SKP1: variants seen among roughly 807,000 people sequenced by gnomAD.
SKP1 encodes S-phase kinase associated protein 1.
SKP1 carries 1 observed loss-of-function variant against 21.5 expected under a neutral mutation model. The observed-to-expected ratio is 0.05, with a 90% CI of 0.02 to 0.22. The LOEUF (loss-of-function observed/expected upper bound fraction) is 0.22. Among genes scored for constraint, SKP1 ranks in the 10% least tolerant of loss-of-function variants. The probability of loss-of-function intolerance (pLI) is 1.00; values close to 1 mark genes in which losing one functional copy is unlikely to be tolerated. For missense variants in SKP1, 70 were observed against 192.0 expected (o/e 0.36, Z 3.76); for synonymous variants, 59 against 59.3 (o/e 0.99, Z 0.03).
chr5:134,170,827 G>A (rs1017844199), intron 2 of SKP1: 2 of 351,726 alleles, frequency 5.7e-6, no homozygotes, highest in Non-Finnish European at 5.6e-6. Flanking sequence ...CCTTGAAGCA[G>A]CACAGGACAG....
intron 1 of SKP1, 36 bp from the exon 2 acceptor site, chr5:134,174,058 G>C (rs768311211): frequency 7.8e-7 from 1 of 1,275,354 alleles, no homozygotes; most frequent in Non-Finnish European, 1.1e-6. Flanking sequence ...AAATTTAAGA[G>C]AGAGAGTTCT....
rs36106913 is a variant in SKP1, at chr5:134,166,580, CAAAAAAAAAA to C, written c.171+580_171+589del. The stretch of plus-strand genomic sequence containing the variant: ...TGGCGACAGAGCAAGACTCTGGTCT[CAAAAAAAAAA>C]AAAAAAAAAAAAAAAAGAATGTGGG... On this transcript the variant is annotated intron_variant, in intron 3 of 5. Transcript: ENST00000353411. 3.6e-4 allele frequency among the ~76,000 whole-genome samples: 19 copies of C among 52,532 alleles called. 1 individual carries two copies. In the South Asian group the frequency reaches 6.9e-3, roughly 19 times the overall value. 34.5% of individuals were successfully genotyped at this position (52,532 alleles called of 152,430 possible).
rs751497389 is a variant in SKP1 at position 134,151,931 on chromosome 5, C to T, written c.*5802G>A. 6.8e-6 allele frequency: 2 copies of T among 296,232 alleles called. No individual in the cohort carries two copies. Among genetic ancestry groups the T allele is most frequent in the Non-Finnish European group, 1.4e-5 (2 of 144,358 alleles). 18.4% of individuals were successfully genotyped at this position (296,232 alleles called of 1,614,324 possible). ...CCACTAATGATCATCTCCACTGATGCCTCAGCAGAAAGGATAACATTCAGC... is the reference window on the plus strand; with the variant it reads ...CCACTAATGATCATCTCCACTGATGTCTCAGCAGAAAGGATAACATTCAGC... On this transcript the variant is annotated 3_prime_UTR_variant, in exon 6 of 6. Coordinates refer to ENST00000353411, the MANE Select transcript of SKP1 (RefSeq NM_170679.3).
rs962291417 is a variant in SKP1 at position 134,151,130 on chromosome 5, T to C, written c.*6603A>G. The C allele has an allele frequency of 7.2e-5, 11 of 152,290 alleles. No individual in the cohort carries two copies. Among genetic ancestry groups the C allele is most frequent in the Non-Finnish European group, 1.5e-4 (10 of 68,128 alleles). 9.4% of individuals were successfully genotyped at this position (152,290 alleles called of 1,614,324 possible). On this transcript the variant is annotated 3_prime_UTR_variant, in exon 6 of 6. Coordinates refer to ENST00000353411, the MANE Select transcript of SKP1 (RefSeq NM_170679.3). Reference sequence around the variant, plus strand: ...TAGCAGCTGTGAATTATGCGGGAGATAGTCCAGGCCAATACTTCTTTCATA... The same window carrying C: ...TAGCAGCTGTGAATTATGCGGGAGACAGTCCAGGCCAATACTTCTTTCATA...
rs13159495 is a variant in SKP1, at chr5:134,166,464, C to T, written c.171+706G>A. ...GGCATGGTGGCGTGTGCCTGTAGTC[C>T]CAGCTACTCAGGAGGCTGAGGCAGG... On this transcript the variant is annotated intron_variant, in intron 3 of 5. Coordinates refer to ENST00000353411, the MANE Select transcript of SKP1 (RefSeq NM_170679.3). 4.7e-3 allele frequency among the ~76,000 whole-genome samples: 714 copies of T among 150,432 alleles called. 2 individuals carry two copies. Among genetic ancestry groups the T allele is most frequent in the Non-Finnish European group, 7.7e-3 (519 of 67,730 alleles).
At chr5:134,159,503 C>T (rs2149373273) in intron 4 of SKP1, among the ~76,000 whole-genome samples, 1 of 152,180 alleles carries the variant, frequency 6.6e-6, no homozygotes, top group South Asian at 2.1e-4. Context: ...GCTTCAGTCT[C>T]CCAAGTAGCT....
At chr5:134,158,846 A>T (rs1420159724) in intron 4 of SKP1, among the ~76,000 whole-genome samples, 1 of 152,226 alleles carries the variant, frequency 6.6e-6, no homozygotes, top group Non-Finnish European at 1.5e-5. Flanking sequence ...AATAACGGCC[A>T]CTACTGTTGT....
chr5:134,174,497 G>A (rs1040044651), intron 1 of SKP1: 55 of 985,370 alleles, frequency 5.6e-5, no homozygotes, highest in Non-Finnish European at 5.9e-5. Context: ...GAGTACATCA[G>A]AATATGCTCA....
Position 134,151,652 on chromosome 5 carries a change from C to A in SKP1, c.*6081G>T, listed in dbSNP as rs756575952. 4.4e-6 allele frequency: 2 copies of A among 455,972 alleles called. No homozygotes were observed. Among genetic ancestry groups the A allele is most frequent in the Non-Finnish European group, 8.8e-6 (2 of 226,830 alleles). 28.2% of individuals were successfully genotyped at this position (455,972 alleles called of 1,614,324 possible). On this transcript the variant is annotated 3_prime_UTR_variant, in exon 6 of 6. Coordinates refer to ENST00000353411, the MANE Select transcript of SKP1 (RefSeq NM_170679.3). Reference sequence around the variant, plus strand: ...AAGGTCTGAATATACTTAAATACTTCCAGAAAATTTAAAGTTGACAGATAT... The same window carrying A: ...AAGGTCTGAATATACTTAAATACTTACAGAAAATTTAAAGTTGACAGATAT...
chr5:134,157,785 T>G lies in SKP1; in HGVS notation c.457-17A>C. On this transcript the variant is annotated splice_polypyrimidine_tract_variant and intron_variant, in intron 5 of 5. Coordinates refer to ENST00000353411, the MANE Select transcript of SKP1 (RefSeq NM_170679.3). ...TTTGCGTACCTAAAAGAGATGGATA[T>G]AGGGAAGTACCTTAACTTGAGTAGT... 6.2e-7 allele frequency: 1 copy of G among 1,613,452 alleles called. No homozygotes were observed. The highest frequency in any genetic ancestry group is 8.5e-7 in the Non-Finnish European group (1 of 1,179,358).
At chr5:134,171,724 CA>C (rs1259679745) in intron 2 of SKP1, among the ~76,000 whole-genome samples, 3 of 152,172 alleles carry the variant, frequency 2.0e-5, no homozygotes, top group African/African-American at 4.8e-5. Flanking sequence ...AATGATCTCC[CA>C]AAACATTCTA....
intron 2 of SKP1, among the ~76,000 whole-genome samples, chr5:134,172,936 C>T (rs375764443): frequency 1.0e-4 from 15 of 143,080 alleles, no homozygotes; most frequent in African/African-American, 2.6e-4. Flanking sequence ...CACTTGAACC[C>T]GGGGGGCAGA....
At chr5:134,170,949 A>G (rs1241290117) in intron 2 of SKP1, 1 of 447,802 alleles carries the variant, frequency 2.2e-6, no homozygotes, top group Non-Finnish European at 4.5e-6. Context: ...AACCTTACTC[A>G]CCTGCCTTTT....
chr5:134,167,309 T>A, intron 2 of SKP1, 66 bp from the exon 3 acceptor site: 1 of 1,033,456 alleles, frequency 9.7e-7, no homozygotes, highest in South Asian at 1.3e-5. Flanking sequence ...AACCAGGCTA[T>A]GTCTCAAAAC....
chr5:134,159,389 C>CT (rs79150294), intron 4 of SKP1, among the ~76,000 whole-genome samples: 12,654 of 151,212 alleles, frequency 0.084, 603 homozygotes, highest in Admixed American at 0.15. Flanking sequence ...ACAATGGAGA[C>CT]TTTTTTTTTA....
chr5:134,157,045 TTAAG>T lies in SKP1; in HGVS notation c.*684_*687del, dbSNP rs1261970198. ...ATAAAAAGATGACATCCCACATGGG[TTAAG>T]TGTCTTTTTAATTGAAAAGCTAACT... On this transcript the variant is annotated 3_prime_UTR_variant, in exon 6 of 6. Coordinates refer to ENST00000353411, the MANE Select transcript of SKP1 (RefSeq NM_170679.3). 2 of 152,678 alleles carry T rather than the reference TTAAG, an allele frequency of 1.3e-5. No homozygotes were observed. Among genetic ancestry groups the T allele is most frequent in the Admixed American group, 1.3e-4 (2 of 15,290 alleles). 9.5% of individuals were successfully genotyped at this position (152,678 alleles called of 1,614,324 possible). A position where few individuals can be genotyped will look rare whatever the true frequency, so the allele number is the denominator to read the frequency against.
intron 3 of SKP1, among the ~76,000 whole-genome samples, chr5:134,164,802 C>G (rs761700701): frequency 2.2e-4 from 33 of 152,034 alleles, no homozygotes; most frequent in Non-Finnish European, 3.8e-4. Flanking sequence ...TTAGATAATA[C>G]CACTGAATTG....
chr5:134,162,605 T>G (rs1413585205), intron 3 of SKP1, among the ~76,000 whole-genome samples: 1 of 151,580 alleles, frequency 6.6e-6, no homozygotes, highest in Non-Finnish European at 1.5e-5. Context: ...CAGGCTGGTC[T>G]CGAACTCCTG....
chr5:134,169,667 C>A (rs1761401818), intron 2 of SKP1, among the ~76,000 whole-genome samples: 1 of 151,942 alleles, frequency 6.6e-6, no homozygotes, highest in South Asian at 2.1e-4. Flanking sequence ...GAGTTCAAGA[C>A]CAGCCTGGCT....
Sources: allele counts gnomAD v4.1 joint callset (sites outside exome capture counted in the v4.1 genomes callset), GRCh38; gene constraint gnomAD v4.1.1; transcripts MANE v1.5; gene names NCBI Gene and HGNC (gene_info 2026-07-23, HGNC 2026-07-21).